PRR16: variants seen among roughly 807,000 people sequenced by gnomAD.
PRR16 encodes protein Largen.
In PRR16, 6 loss-of-function variants were observed where a neutral mutation model predicts 18.2. The ratio of observed to expected loss-of-function variants is 0.33; its 90% CI spans 0.18 to 0.65. The LOEUF is 0.65. Among genes scored for constraint, PRR16 ranks in the 30% least tolerant of loss-of-function variants. The probability of loss-of-function intolerance (pLI) is 0.74; values close to 1 mark genes in which losing one functional copy is unlikely to be tolerated. For missense variants in PRR16, 412 were observed against 376.6 expected, an observed-to-expected ratio of 1.09 and a Z score of -0.78; for synonymous variants, 151 against 147.8, an observed-to-expected ratio of 1.02 and a Z score of -0.16.
the PRR16 span, among the ~76,000 whole-genome samples, chr5:120,793,398 C>T: frequency 6.6e-6 from 1 of 152,038 alleles, no homozygotes; most frequent in East Asian, 1.9e-4. Context: ...TGTCCAGTGG[C>T]TCTAACCCAG....
chr5:120,739,472 GAC>G, the PRR16 span, among the ~76,000 whole-genome samples: 1 of 152,070 alleles, frequency 6.6e-6, no homozygotes, highest in Non-Finnish European at 1.5e-5. Flanking sequence ...TTAAAACAAA[GAC>G]AGTTGCCATG....
the PRR16 span, among the ~76,000 whole-genome samples, chr5:120,694,677 C>T: frequency 8.8e-6 from 1 of 113,146 alleles, no homozygotes; most frequent in Non-Finnish European, 1.9e-5. Flanking sequence ...AGCGAGACTC[C>T]GTCTCAAAAA....
chr5:120,514,564 A>C (rs1750927089), intron 1 of PRR16, among the ~76,000 whole-genome samples: 1 of 152,208 alleles, frequency 6.6e-6, no homozygotes, highest in South Asian at 2.1e-4. Flanking sequence ...TGCTGCTTAG[A>C]TATTTCTTCT....
At chr5:120,582,584 A>G (rs2112757863) in intron 1 of PRR16, among the ~76,000 whole-genome samples, 1 of 152,348 alleles carries the variant, frequency 6.6e-6, no homozygotes, top group South Asian at 2.1e-4. Context: ...GAGAAAATAT[A>G]GTTACAAATA....
At chr5:120,769,739 T>G in the PRR16 span, among the ~76,000 whole-genome samples, 1 of 151,936 alleles carries the variant, frequency 6.6e-6, no homozygotes, top group South Asian at 2.1e-4. Context: ...GCGGAATTGC[T>G]GGATTATATG....
At chr5:120,752,301 G>A in the PRR16 span, among the ~76,000 whole-genome samples, 2 of 152,030 alleles carry the variant, frequency 1.3e-5, no homozygotes, top group African/African-American at 4.8e-5. Context: ...ACGAGACCTT[G>A]GCATCCATGA....
the PRR16 span, among the ~76,000 whole-genome samples, chr5:120,792,242 T>C: frequency 1.3e-5 from 2 of 152,210 alleles, no homozygotes; most frequent in African/African-American, 2.4e-5. Flanking sequence ...ACTGCAAATA[T>C]GTGAAATGAT....
chr5:120,514,984 G>A lies in PRR16; in HGVS notation c.159+50339G>A, dbSNP rs1750941465. The stretch of plus-strand genomic sequence containing the variant: ...AGCAACAGTCCCACTTAGCTTCTTA[G>A]TATCAATTTTCTTTCTTAGTCTGTT... On this transcript the variant is annotated intron_variant, in intron 1 of 1. Coordinates refer to ENST00000407149, the MANE Select transcript of PRR16 (RefSeq NM_001300783.2). Among the ~76,000 whole-genome samples the A allele has an allele frequency of 2.0e-5, 3 of 152,054 alleles. No individual in the cohort carries two copies. In the South Asian group the frequency reaches 6.2e-4, roughly 31 times the overall value.
chr5:120,582,235 T>G (rs1188613833), intron 1 of PRR16, among the ~76,000 whole-genome samples: 2 of 152,096 alleles, frequency 1.3e-5, no homozygotes, highest in East Asian at 3.9e-4. Context: ...TTCTTACTTA[T>G]AAGTGGGAGC....
chr5:120,661,096 G>A lies in PRR16; in HGVS notation c.160-24858G>A, dbSNP rs973935647. 2.6e-5 allele frequency among the ~76,000 whole-genome samples: 4 copies of A among 152,104 alleles called. No homozygotes were observed. In the East Asian group the frequency reaches 5.8e-4, roughly 22 times the overall value. On this transcript the variant is annotated intron_variant, in intron 1 of 1. Coordinates refer to ENST00000407149, the MANE Select transcript of PRR16 (RefSeq NM_001300783.2). ...ATGTGTAGACACCAGGACATTGAAT[G>A]TTGCTACAGTCTCTTTATCATAGCT...
intron 1 of PRR16, among the ~76,000 whole-genome samples, chr5:120,634,878 C>A (rs1755177007): frequency 6.6e-6 from 1 of 151,434 alleles, no homozygotes; most frequent in Non-Finnish European, 1.5e-5. Flanking sequence ...CAAGATTCAC[C>A]AAGAAAAGAA....
intron 1 of PRR16, among the ~76,000 whole-genome samples, chr5:120,492,584 A>G (rs1017620170): frequency 3.9e-5 from 6 of 151,982 alleles, no homozygotes; most frequent in African/African-American, 1.5e-4. Context: ...TTAAAATTTC[A>G]GTAGTTTTGG....
intron 1 of PRR16, among the ~76,000 whole-genome samples, chr5:120,482,702 C>T (rs974548977): frequency 4.6e-5 from 7 of 152,038 alleles, no homozygotes; most frequent in African/African-American, 1.4e-4. Flanking sequence ...TGAGAAATGT[C>T]GAACTGCTTT....
rs373838960 is a variant in PRR16 at position 120,493,973 on chromosome 5, T to G, written c.159+29328T>G. ...TGGGTTGTTTCTGGTTTTGCACTATTATTAACAAAGCCACTATAAACATTT... is the reference window on the plus strand; with the variant it reads ...TGGGTTGTTTCTGGTTTTGCACTATGATTAACAAAGCCACTATAAACATTT... On this transcript the variant is annotated intron_variant, in intron 1 of 1. Coordinates refer to ENST00000407149, the MANE Select transcript of PRR16 (RefSeq NM_001300783.2). Among the ~76,000 whole-genome samples the G allele has an allele frequency of 4.6e-5, 7 of 152,302 alleles. No homozygotes were observed. In the East Asian group the frequency reaches 1.3e-3, roughly 29 times the overall value.
intron 1 of PRR16, among the ~76,000 whole-genome samples, chr5:120,631,694 G>A (rs1450229880): frequency 6.6e-6 from 1 of 152,054 alleles, no homozygotes; most frequent in African/African-American, 2.4e-5. Flanking sequence ...CCCAAGGAGA[G>A]GCTGAGCTCA....
the PRR16 span, among the ~76,000 whole-genome samples, chr5:120,766,637 G>A: frequency 6.6e-6 from 1 of 151,792 alleles, no homozygotes; most frequent in South Asian, 2.1e-4. Context: ...CCATTGCACT[G>A]ATTTTCTAGT....
chr5:120,658,235 G>A (rs1043806518), intron 1 of PRR16: 3 of 151,538 alleles, frequency 2.0e-5, no homozygotes, highest in Admixed American at 2.0e-4. Flanking sequence ...GCTCACAGTC[G>A]GGTAACTCTC....
intron 1 of PRR16, among the ~76,000 whole-genome samples, chr5:120,591,472 T>G (rs1408644488): frequency 2.6e-5 from 4 of 151,906 alleles, no homozygotes; most frequent in African/African-American, 9.7e-5. Context: ...CCTTATTCGT[T>G]TATGAAAGAT....
intron 1 of PRR16, among the ~76,000 whole-genome samples, chr5:120,675,652 A>G (rs1756769590): frequency 6.6e-6 from 1 of 152,190 alleles, no homozygotes. Context: ...TTTAAAGATG[A>G]TCTGAGGAGG....
Sources: allele counts gnomAD v4.1 joint callset (sites outside exome capture counted in the v4.1 genomes callset), GRCh38; gene constraint gnomAD v4.1.1; transcripts MANE v1.5; gene names NCBI Gene and HGNC (gene_info 2026-07-23, HGNC 2026-07-21).